Variants in FGF13 observed in about 807,000 individuals in gnomAD.
FGF13 encodes fibroblast growth factor 13.
FGF13 carries 2 observed loss-of-function variants against 19.5 expected under a neutral mutation model. The ratio of observed to expected loss-of-function variants is 0.10; its 90% CI spans 0.04 to 0.32. The LOEUF (loss-of-function observed/expected upper bound fraction) is 0.32, where lower values mean the gene tolerates loss of function less well. Ranked by LOEUF, FGF13 falls within the 10% of genes least tolerant of loss-of-function variation. FGF13 has a pLI of 1.00. For missense variants in FGF13, 113 were observed against 192.7 expected, an observed-to-expected ratio of 0.59 and a Z score of 2.45; for synonymous variants, 72 against 76.9, an observed-to-expected ratio of 0.94 and a Z score of 0.33.
intron 1 of FGF13, among the ~76,000 whole-genome samples, chrX:139,044,737 T>C (rs2092281422): frequency 9.0e-6 from 1 of 111,581 alleles, no homozygotes. Flanking sequence ...CAAAATAATC[T>C]CTTTGACTCC....
chrX:138,655,234 A>G (rs1191312151), intron 3 of FGF13, among the ~76,000 whole-genome samples: 2 of 111,890 alleles, frequency 1.8e-5, no homozygotes, highest in Non-Finnish European at 3.8e-5. Flanking sequence ...CATAGAAAGA[A>G]GGAAACCCTG....
chrX:138,619,827 C>T lies in FGF13; in HGVS notation c.*13023G>A, dbSNP rs1356092347. 8.9e-6 allele frequency: 1 copy of T among 111,734 alleles called. No homozygotes were observed. Among genetic ancestry groups the T allele is most frequent in the Non-Finnish European group, 1.9e-5 (1 of 53,128 alleles). 9.2% of individuals were successfully genotyped at this position (111,734 alleles called of 1,213,427 possible). A position where few individuals can be genotyped will look rare whatever the true frequency, so the allele number is the denominator to read the frequency against. ...AAAGTCAAAAAATGACAGATGCTGGCAAGGTTGCAGAGAAATAGGAACACT... is the reference window on the plus strand; with the variant it reads ...AAAGTCAAAAAATGACAGATGCTGGTAAGGTTGCAGAGAAATAGGAACACT... On this transcript the variant is annotated 3_prime_UTR_variant, in exon 5 of 5. Transcript: ENST00000315930.
At chrX:138,638,439 C>G (rs1029517293) in intron 3 of FGF13, among the ~76,000 whole-genome samples, 6 of 111,539 alleles carry the variant, frequency 5.4e-5, no homozygotes, top group African/African-American at 2.0e-4. Flanking sequence ...TTTCCAGAAT[C>G]ACATATAATC....
chrX:138,667,640 G>A, intron 3 of FGF13: 1 of 341,360 alleles, frequency 2.9e-6, no homozygotes, highest in South Asian at 2.6e-5. Context: ...TGGGGTGGTG[G>A]GGTAAGATTC....
At chrX:139,193,963 A>G (rs1046117353) in intron 1 of FGF13, among the ~76,000 whole-genome samples, 2 of 112,042 alleles carry the variant, frequency 1.8e-5, no homozygotes, top group Middle Eastern at 4.6e-3. Flanking sequence ...ATACACACAT[A>G]TACATAGCCC....
intron 1 of FGF13, among the ~76,000 whole-genome samples, chrX:139,017,590 GA>G (rs1185670505): frequency 9.0e-6 from 1 of 110,730 alleles, no homozygotes; most frequent in Non-Finnish European, 1.9e-5. Flanking sequence ...AGTGGGAAAA[GA>G]TGGCACCAGG....
At chrX:138,842,332 G>A (rs1055825942) in intron 3 of FGF13, among the ~76,000 whole-genome samples, 3 of 111,206 alleles carry the variant, frequency 2.7e-5, no homozygotes, top group Non-Finnish European at 3.8e-5. Context: ...AATTTAACCC[G>A]AAGCAGCCTC....
chrX:138,914,636 C>CTTTTTT lies in FGF13; in HGVS notation c.-112-49992_-112-49987dup, dbSNP rs34940979. 1.3e-4 allele frequency among the ~76,000 whole-genome samples: 10 copies of CTTTTTT among 76,953 alleles called. 1 individual carries two copies. Among genetic ancestry groups the CTTTTTT allele is most frequent in the African/African-American group, 4.6e-4 (9 of 19,642 alleles). The allele number at this position is 76,953 out of a possible 115,157, so 66.8% of individuals were successfully genotyped here. On this transcript the variant is annotated intron_variant, in intron 1 of 2. Transcript: ENST00000421460. ...CACTAGTTTCGAAGCTTGTGTTGGA[C>CTTTTTT]TTTTTTTTTTTTTTTTTTGCCTTAC...
rs1027273745 is a variant in FGF13, at chrX:138,628,569, G to A, written c.*4281C>T. On this transcript the variant is annotated 3_prime_UTR_variant, in exon 5 of 5. Transcript: ENST00000315930. ...ATGAATGACATCGCATCTAAATGAG[G>A]CTTCTAAGACACATTCGTATGAAAT... 2 of 112,215 alleles carry A rather than the reference G, an allele frequency of 1.8e-5. No homozygotes were observed. The highest frequency in any genetic ancestry group is 3.8e-5 in the Non-Finnish European group (2 of 53,277). The allele number at this position is 112,215 out of a possible 1,213,427, so 9.2% of individuals were successfully genotyped here.
At chrX:139,026,743 G>A (rs1011100840) in intron 1 of FGF13, among the ~76,000 whole-genome samples, 1 of 111,801 alleles carries the variant, frequency 8.9e-6, no homozygotes. Context: ...AGCTCCCATG[G>A]CTGGCAGGCA....
At chrX:138,690,570 CT>C (rs1356392228) in intron 3 of FGF13, among the ~76,000 whole-genome samples, 1 of 110,267 alleles carries the variant, frequency 9.1e-6, no homozygotes, top group Non-Finnish European at 1.9e-5. Flanking sequence ...GCATTTTATC[CT>C]ACATCATTTC....
At chrX:139,173,843 A>C (rs1267344041) in intron 1 of FGF13, among the ~76,000 whole-genome samples, 1 of 111,924 alleles carries the variant, frequency 8.9e-6, no homozygotes, top group Non-Finnish European at 1.9e-5. Context: ...GTTATTGTGA[A>C]TAGTGCTGAA....
At chrX:138,950,170 A>G (rs772713777) in intron 1 of FGF13, among the ~76,000 whole-genome samples, 4 of 112,132 alleles carry the variant, frequency 3.6e-5, no homozygotes, top group Non-Finnish European at 7.5e-5. Flanking sequence ...AATGCATTGA[A>G]TCAATGAGTG....
At chrX:138,710,200 C>A (rs1424981823) in intron 1 of FGF13, among the ~76,000 whole-genome samples, 1 of 110,369 alleles carries the variant, frequency 9.1e-6, no homozygotes, top group East Asian at 2.9e-4. Flanking sequence ...ACCGATTACA[C>A]TAAGTCTAAC....
chrX:139,176,627 C>T (rs1213102260), intron 1 of FGF13, among the ~76,000 whole-genome samples: 3 of 111,110 alleles, frequency 2.7e-5, no homozygotes, highest in East Asian at 5.6e-4. Context: ...TCTTTGTTCT[C>T]GTTGGTTTCA....
At chrX:138,790,807 T>C (rs914000721) in intron 3 of FGF13, among the ~76,000 whole-genome samples, 1 of 111,877 alleles carries the variant, frequency 8.9e-6, no homozygotes, top group Non-Finnish European at 1.9e-5. Flanking sequence ...CCATACCCTT[T>C]CCAAAATGCA....
In FGF13 at chrX:138,621,683, AC is replaced by A. The variant is rs1482433392; in HGVS notation, c.*11166del. On this transcript the variant is annotated 3_prime_UTR_variant, in exon 5 of 5. Coordinates refer to ENST00000315930, the MANE Select transcript of FGF13 (RefSeq NM_004114.5). ...AGTTGTTTTTTGAAAAGATTAAAAA[AC>A]AGACAAGCCTTTAGCTAGAGTAACT... The A allele has an allele frequency of 6.5e-4, 73 of 111,539 alleles. 1 individual carries two copies. The highest frequency in any genetic ancestry group is 2.3e-3 in the African/African-American group (70 of 30,784). The allele number at this position is 111,539 out of a possible 1,213,427, so 9.2% of individuals were successfully genotyped here.
At chrX:139,200,882 T>C (rs2084409767) in intron 1 of FGF13, among the ~76,000 whole-genome samples, 1 of 112,325 alleles carries the variant, frequency 8.9e-6, no homozygotes, top group South Asian at 3.7e-4. Context: ...AAAGATCTTA[T>C]GTGACAAGGT....
At chrX:139,089,276 T>A (rs964685608) in intron 1 of FGF13, among the ~76,000 whole-genome samples, 1 of 112,063 alleles carries the variant, frequency 8.9e-6, no homozygotes, top group East Asian at 2.8e-4. Flanking sequence ...AGACTCTAAT[T>A]TATTTCAAAA....
Sources: gnomAD v4.1 joint callset for allele counts (sites outside exome capture counted in the v4.1 genomes callset) on GRCh38, gnomAD v4.1.1 for gene constraint, MANE v1.5 for transcripts, NCBI Gene and HGNC (gene_info 2026-07-23, HGNC 2026-07-21) for gene names.